Variants in RBM41 observed in about 807,000 individuals in gnomAD.
RBM41 encodes RNA-binding protein 41.
Under a neutral mutation model 30.8 loss-of-function variants are expected in RBM41, and 14 were observed. The ratio of observed to expected loss-of-function variants is 0.45; its 90% CI spans 0.30 to 0.71. RBM41 has a LOEUF of 0.71. Among genes scored for constraint, RBM41 ranks in the 30% least tolerant of loss-of-function variants. RBM41 has a pLI of 0.08. For synonymous variants in RBM41, 120 were observed against 110.1 expected (o/e 1.09, Z -0.56); for missense variants, 276 against 326.3 (o/e 0.85, Z 1.19).
At chrX:107,117,824 T>A (rs1291417007) in intron 1 of RBM41, among the ~76,000 whole-genome samples, 2 of 111,885 alleles carry the variant, frequency 1.8e-5, no homozygotes, top group Non-Finnish European at 3.8e-5. Context: ...AGAGACACAG[T>A]AGACTTCTAA....
intron 6 of RBM41, among the ~76,000 whole-genome samples, chrX:107,076,180 G>C (rs906376421): frequency 9.2e-6 from 1 of 109,246 alleles, no homozygotes; most frequent in African/African-American, 3.3e-5. Flanking sequence ...AGCTGGGTGC[G>C]TTGGTGGGTG....
intron 5 of RBM41, among the ~76,000 whole-genome samples, chrX:107,091,008 G>A (rs774890392): frequency 2.1e-3 from 224 of 108,053 alleles, no homozygotes; most frequent in African/African-American, 7.2e-3. Context: ...CCCTCCCTGT[G>A]TCCATGTGTT....
At position 107,067,381 on chromosome X, in the gene RBM41, C is replaced by G; in HGVS notation, c.*146G>C. 8 of 1,087,458 alleles carry G rather than the reference C, an allele frequency of 7.4e-6. No homozygotes were observed. The highest frequency in any genetic ancestry group is 9.5e-6 in the Non-Finnish European group (8 of 838,215). The allele number at this position is 1,087,458 out of a possible 1,213,427, so 89.6% of individuals were successfully genotyped here. On this transcript the variant is annotated 3_prime_UTR_variant, in exon 8 of 8. Transcript: ENST00000685964. ...TAATAGAAAATGTTTTCTACCAGTT[C>G]TCTCCAAAAGCTGAAATTACTTTTT... is the stretch of plus-strand genomic sequence containing the variant.
chrX:107,063,264 T>C lies in RBM41; in HGVS notation c.*4263A>G, dbSNP rs757889611. On this transcript the variant is annotated 3_prime_UTR_variant, in exon 8 of 8. Transcript: ENST00000685964. ...ACCACTAATCCACTTTCTATCTCTA[T>C]ATATTTGCCAATTCTGGACACTTCA... 3.6e-4 allele frequency among the ~76,000 whole-genome samples: 40 copies of C among 111,224 alleles called. No individual in the cohort carries two copies. The highest frequency in any genetic ancestry group is 1.2e-3 in the African/African-American group (37 of 30,671).
chrX:107,111,337 A>G (rs1400959160), intron 5 of RBM41, among the ~76,000 whole-genome samples: 14 of 111,421 alleles, frequency 1.3e-4, no homozygotes, highest in African/African-American at 4.5e-4. Context: ...AAACCACAAT[A>G]AGATAACATT....
intron 5 of RBM41, among the ~76,000 whole-genome samples, chrX:107,090,240 G>C (rs1364438273): frequency 9.0e-6 from 1 of 110,737 alleles, no homozygotes; most frequent in East Asian, 2.8e-4. Flanking sequence ...CGGGCATGGT[G>C]GCGGGTGCCT....
In RBM41 at chrX:107,086,812, C is replaced by G. The variant is rs140156747; in HGVS notation, c.999+1624G>C. ...TGTAATAGCAAAATAACAGAAAGAA[C>G]AAATCTTCAGGAAAGTGGATAAATA... On this transcript the variant is annotated intron_variant, in intron 6 of 7. Transcript: ENST00000685964. 4.6e-3 allele frequency among the ~76,000 whole-genome samples: 516 copies of G among 111,720 alleles called. 4 individuals are homozygous for G. The highest frequency in any genetic ancestry group is 0.016 in the African/African-American group (482 of 30,841).
intron 4 of RBM41, 135 bp from the exon 5 acceptor site, chrX:107,113,603 C>A (rs1924674217): frequency 2.6e-6 from 2 of 778,582 alleles, no homozygotes; most frequent in African/African-American, 2.2e-5. Context: ...CTCTTAGTAA[C>A]CCTGTAACAT....
intron 5 of RBM41, among the ~76,000 whole-genome samples, chrX:107,111,149 T>C (rs950658803): frequency 9.0e-6 from 1 of 111,393 alleles, no homozygotes; most frequent in Non-Finnish European, 1.9e-5. Context: ...ATATATCTTA[T>C]AAGGAATTAA....
At chrX:107,070,799 A>T (rs1051945250) in intron 6 of RBM41, among the ~76,000 whole-genome samples, 1 of 110,752 alleles carries the variant, frequency 9.0e-6, no homozygotes, top group Non-Finnish European at 1.9e-5. Context: ...AGATGAGAGG[A>T]TCGCTTGAGT....
chrX:107,067,597 C>T lies in RBM41; in HGVS notation c.1244G>A (p.Arg415Gln), dbSNP rs200106292. Residue 415 changes from arginine to glutamine, a missense_variant, in exon 8 of 8, where the codon CGG becomes CAG. Arg to Gln is a conservative substitution (Grantham distance 43). Transcript: ENST00000685964. ...VIEFGKNKKQ[R>Q]SNLQATSLIS... Reference sequence around the variant, plus strand: ...GAGAGAAGTCGCTTGGAGATTTGACCGTTGCTTTTTGTTCTTTCCAAACTC... The same window carrying T: ...GAGAGAAGTCGCTTGGAGATTTGACTGTTGCTTTTTGTTCTTTCCAAACTC... 120 of 1,208,743 alleles carry T rather than the reference C, an allele frequency of 9.9e-5. No homozygotes were observed. The highest frequency in any genetic ancestry group is 1.3e-4 in the Non-Finnish European group (113 of 894,473).
chrX:107,066,931 T>G lies in RBM41; in HGVS notation c.*596A>C. 2 of 748,167 alleles carry G rather than the reference T, an allele frequency of 2.7e-6. No individual in the cohort carries two copies. The highest frequency in any genetic ancestry group is 3.2e-6 in the Non-Finnish European group (2 of 633,851). 61.7% of individuals were successfully genotyped at this position (748,167 alleles called of 1,213,427 possible). On this transcript the variant is annotated 3_prime_UTR_variant, in exon 8 of 8. Transcript: ENST00000685964. ...AACACCAACATTTTGATCTAAAATA[T>G]TTCACTAGAAAAATATATAGCTTTT...
intron 6 of RBM41, among the ~76,000 whole-genome samples, chrX:107,077,069 T>C (rs1282220087): frequency 8.9e-6 from 1 of 111,803 alleles, no homozygotes; most frequent in African/African-American, 3.2e-5. Flanking sequence ...TAGAAAGGGG[T>C]ATGTGAAAAC....
intron 7 of RBM41, among the ~76,000 whole-genome samples, chrX:107,068,539 G>T (rs1475805063): frequency 9.0e-6 from 1 of 111,426 alleles, no homozygotes; most frequent in Non-Finnish European, 1.9e-5. Flanking sequence ...TGGTATAGCG[G>T]ATTTAAAAAC....
At chrX:107,080,717 T>A (rs1344991988) in intron 6 of RBM41, among the ~76,000 whole-genome samples, 1 of 112,635 alleles carries the variant, frequency 8.9e-6, no homozygotes, top group Admixed American at 9.4e-5. Flanking sequence ...TTGTGGACTT[T>A]AGCGATTCGA....
At chrX:107,116,558 G>T in intron 2 of RBM41, 92 bp downstream of exon 2, 1 of 1,124,877 alleles carries the variant, frequency 8.9e-7, no homozygotes. Context: ...AAAGGGAGGT[G>T]GGAGAGGAAC....
At position 107,063,902 on chromosome X, in the gene RBM41, T is replaced by C; in HGVS notation, c.*3625A>G. 9.1e-6 allele frequency among the ~76,000 whole-genome samples: 1 copy of C among 110,084 alleles called. No individual in the cohort carries two copies. ...CTCTAGGTTTAGTTTGCTCTTCTTTTTCCAGGGTCTTAAGGTGTAAAGTGA... is the reference window on the plus strand; with the variant it reads ...CTCTAGGTTTAGTTTGCTCTTCTTTCTCCAGGGTCTTAAGGTGTAAAGTGA... On this transcript the variant is annotated 3_prime_UTR_variant, in exon 8 of 8. Transcript: ENST00000685964.
intron 6 of RBM41, among the ~76,000 whole-genome samples, chrX:107,087,172 T>C (rs2147950807): frequency 9.0e-6 from 1 of 111,506 alleles, no homozygotes; most frequent in African/African-American, 3.2e-5. Flanking sequence ...TAAGCAAATA[T>C]GGAAAATATT....
At chrX:107,101,051 A>T (rs1192263229) in intron 5 of RBM41, among the ~76,000 whole-genome samples, 1 of 112,089 alleles carries the variant, frequency 8.9e-6, no homozygotes, top group Admixed American at 9.5e-5. Flanking sequence ...CACTGACACA[A>T]TGCTTAAGCA....
Sources: gnomAD v4.1 joint callset for allele counts (sites outside exome capture counted in the v4.1 genomes callset) on GRCh38, gnomAD v4.1.1 for gene constraint, MANE v1.5 for transcripts, NCBI Gene and HGNC (gene_info 2026-07-23, HGNC 2026-07-21) for gene names.